Variants in ANKRD13D observed in about 807,000 individuals in gnomAD.
ANKRD13D encodes the protein ankyrin repeat domain-containing protein 13D.
In ANKRD13D, 24 loss-of-function variants were observed where a neutral mutation model predicts 68.8. The ratio of observed to expected loss-of-function variants is 0.35; its 90% CI spans 0.25 to 0.49. The LOEUF (loss-of-function observed/expected upper bound fraction) is 0.49, where lower values mean the gene tolerates loss of function less well. Among genes scored for constraint, ANKRD13D ranks in the 20% least tolerant of loss-of-function variants. ANKRD13D has a pLI of 0.99. For synonymous variants in ANKRD13D, 331 were observed against 336.1 expected (o/e 0.98, Z 0.16); for missense variants, 735 against 832.1 (o/e 0.88, Z 1.44).
In ANKRD13D at chr11:67,299,923, G is replaced by A. The variant is rs770858747; in HGVS notation, c.942+35G>A. 7 of 1,562,234 alleles carry A rather than the reference G, an allele frequency of 4.5e-6. No individual in the cohort carries two copies. The highest frequency in any genetic ancestry group is 2.6e-6 in the Non-Finnish European group (3 of 1,151,630). On this transcript the variant is annotated intron_variant, in intron 9 of 14. Transcript: ENST00000511455. The surrounding 1 kb of genome is among the most constrained non-coding windows in gnomAD (Gnocchi z 6.2). ...GGCTGGGCCGAGACAGGGCTGGCGG[G>A]GGGCCGAGCCTGGGCGGGAGGGCAC...
At chr11:67,298,895 C>A (rs1860864106) in intron 6 of ANKRD13D, 163 bp from the exon 7 acceptor site, 3 of 692,730 alleles carry the variant, frequency 4.3e-6, no homozygotes, top group East Asian at 5.1e-5. Flanking sequence ...GTGTCCCCCC[C>A]TGTCCAGGCA....
Position 67,300,259 on chromosome 11 carries a change from A to G in ANKRD13D, c.1073+136A>G. The G allele has an allele frequency of 7.8e-7, 1 of 1,282,046 alleles. No individual in the cohort carries two copies. Among genetic ancestry groups the G allele is most frequent in the Non-Finnish European group, 1.1e-6 (1 of 933,856 alleles). 79.4% of individuals were successfully genotyped at this position (1,282,046 alleles called of 1,614,324 possible). A position where few individuals can be genotyped will look rare whatever the true frequency, so the allele number is the denominator to read the frequency against. On this transcript the variant is annotated intron_variant, in intron 10 of 14. Coordinates refer to ENST00000511455, the MANE Select transcript of ANKRD13D (RefSeq NM_207354.3). The surrounding 1 kb of genome is among the most constrained non-coding windows in gnomAD (Gnocchi z 4.3). ...ACTCCACTCCTGGAGGGCAGGAGTC[A>G]TGTCTGCCTTATCCATGGTCCTCAG...
chr11:67,293,099 C>CT (rs1014144364), intron 6 of ANKRD13D, among the ~76,000 whole-genome samples: 80 of 152,250 alleles, frequency 5.3e-4, no homozygotes, highest in African/African-American at 1.7e-3. Flanking sequence ...TAATGCCACT[C>CT]TAAGTATTCA....
Position 67,289,358 on chromosome 11 carries a change from G to A in ANKRD13D, c.-103G>A, listed in dbSNP as rs1428285354. ...GCCGCCGCCGCCGCTACTGCTGCGG[G>A]GGCCGCGGGGGGCGCAGCTGGGGCG... On this transcript the variant is annotated 5_prime_UTR_variant, in exon 1 of 15. Coordinates refer to ENST00000511455, the MANE Select transcript of ANKRD13D (RefSeq NM_207354.3). 4 of 816,300 alleles carry A rather than the reference G, an allele frequency of 4.9e-6. No individual in the cohort carries two copies. Among genetic ancestry groups the A allele is most frequent in the Non-Finnish European group, 6.2e-6 (4 of 647,528 alleles). 50.6% of individuals were successfully genotyped at this position (816,300 alleles called of 1,614,324 possible). A position where few individuals can be genotyped will look rare whatever the true frequency, so the allele number is the denominator to read the frequency against.
Position 67,299,712 on chromosome 11 carries a change from C to A in ANKRD13D, c.880+101C>A. 6.6e-7 allele frequency: 1 copy of A among 1,521,108 alleles called. No individual in the cohort carries two copies. The highest frequency in any genetic ancestry group is 8.9e-7 in the Non-Finnish European group (1 of 1,124,912). The allele number at this position is 1,521,108 out of a possible 1,614,324, so 94.2% of individuals were successfully genotyped here. On this transcript the variant is annotated intron_variant, in intron 8 of 14. Transcript: ENST00000511455. This position sits in a 1 kb window ranked among gnomAD's most constrained non-coding sequence, Gnocchi z 6.2. The stretch of plus-strand genomic sequence containing the variant: ...GAGTTTCCCAGGATGAGCTGGGAGG[C>A]CTCCCCATTCCCGTCTGACCCCTCT...
At chr11:67,292,223 T>C (rs947890385) in intron 6 of ANKRD13D, 43 bp downstream of exon 6, 2 of 1,537,458 alleles carry the variant, frequency 1.3e-6, no homozygotes, top group Non-Finnish European at 1.8e-6. Context: ...TGGGGACGGA[T>C]AGCAAGAGCC....
chr11:67,293,499 A>G lies in ANKRD13D; in HGVS notation c.731+1319A>G, dbSNP rs531628505. Among the ~76,000 whole-genome samples the G allele has an allele frequency of 3.3e-5, 5 of 152,158 alleles. No homozygotes were observed. In the South Asian group the frequency reaches 1.0e-3, roughly 32 times the overall value. On this transcript the variant is annotated intron_variant, in intron 6 of 14. Transcript: ENST00000511455. ...AGATCCTTTACTCATTTTTTATTTA[A>G]CTTAATTAACTTATTTATTTTGAGA... is the stretch of plus-strand genomic sequence containing the variant.
In ANKRD13D at chr11:67,299,518, C is replaced by T. The variant is rs1224707039; in HGVS notation, c.799-12C>T. The stretch of plus-strand genomic sequence containing the variant: ...TCTGAGCCCCCAGCTCCCCGTGTCC[C>T]CTGCTCCCCAGGTGTACAGTGCCAC... On this transcript the variant is annotated splice_polypyrimidine_tract_variant and intron_variant, in intron 7 of 14. Coordinates refer to ENST00000511455, the MANE Select transcript of ANKRD13D (RefSeq NM_207354.3). This position sits in a 1 kb window ranked among gnomAD's most constrained non-coding sequence, Gnocchi z 6.2. 1.9e-6 allele frequency: 3 copies of T among 1,549,938 alleles called. No individual in the cohort carries two copies. The highest frequency in any genetic ancestry group is 1.7e-4 in the Middle Eastern group (1 of 5,998).
chr11:67,291,490 C>T lies in ANKRD13D; in HGVS notation c.366C>T (p.Tyr122=), dbSNP rs760844819. Residue 122 remains tyrosine, a synonymous_variant, in exon 4 of 15, where the codon TAC becomes TAT. Transcript: ENST00000511455. ...GTTTCTCTTAGGCCCCCGATTTCTA[C>T]GTTGAGATGAAGTGGGAGTTCACCA... ...LNKLRQAPDF[Y]VEMKWEFTSW... 8.7e-6 allele frequency: 14 copies of T among 1,613,640 alleles called. No individual in the cohort carries two copies. The highest frequency in any genetic ancestry group is 5.3e-5 in the African/African-American group (4 of 74,834).
At chr11:67,291,272 A>T in intron 3 of ANKRD13D, 1 of 575,100 alleles carries the variant, frequency 1.7e-6, no homozygotes, top group Middle Eastern at 4.7e-4. Flanking sequence ...TGGAAGAATC[A>T]CCTGAGCCCA....
rs371782833 is a variant in ANKRD13D at position 67,301,453 on chromosome 11, G to A, written c.1349-35G>A. On this transcript the variant is annotated intron_variant, in intron 12 of 14. Transcript: ENST00000511455. This position sits in a 1 kb window ranked among gnomAD's most constrained non-coding sequence, Gnocchi z 4.5. The stretch of plus-strand genomic sequence containing the variant: ...CACAGCTTTCTGGTCACCAAGCCCC[G>A]CGGGTTGAGCGTGGCCCCTCTGCCA... 9.9e-6 allele frequency: 16 copies of A among 1,608,040 alleles called. No homozygotes were observed. Among genetic ancestry groups the A allele is most frequent in the South Asian group, 3.3e-5 (3 of 90,658 alleles).
chr11:67,291,124 A>G (rs1349842157), intron 3 of ANKRD13D: 1 of 281,518 alleles, frequency 3.6e-6, no homozygotes. Flanking sequence ...TTCTGAGGCC[A>G]AAGTGGGCGG....
At chr11:67,293,227 C>T (rs367905510) in intron 6 of ANKRD13D, among the ~76,000 whole-genome samples, 55 of 152,292 alleles carry the variant, frequency 3.6e-4, no homozygotes, top group African/African-American at 1.2e-3. Flanking sequence ...GTTTAATTGA[C>T]TGTTTACCAA....
chr11:67,299,775 G>T lies in ANKRD13D; in HGVS notation c.881-52G>T. 6.5e-7 allele frequency: 1 copy of T among 1,533,990 alleles called. No homozygotes were observed. Among genetic ancestry groups the T allele is most frequent in the South Asian group, 1.3e-5 (1 of 78,882 alleles). On this transcript the variant is annotated intron_variant, in intron 8 of 14. Coordinates refer to ENST00000511455, the MANE Select transcript of ANKRD13D (RefSeq NM_207354.3). The surrounding 1 kb of genome is among the most constrained non-coding windows in gnomAD (Gnocchi z 6.2). ...TAGGCTCCAGGGGTGGAGGTGGGCA[G>T]GGGCGATGCGAGCATTGTGACCCCT...
At chr11:67,298,933 T>C (rs1452970541) in intron 6 of ANKRD13D, 125 bp from the exon 7 acceptor site, 3 of 956,216 alleles carry the variant, frequency 3.1e-6, no homozygotes, top group African/African-American at 1.6e-5. Context: ...CCATGTTTCA[T>C]AGCGAGAAGG....
At chr11:67,298,929 T>C in intron 6 of ANKRD13D, 129 bp from the exon 7 acceptor site, 1 of 928,872 alleles carries the variant, frequency 1.1e-6, no homozygotes, top group Non-Finnish European at 1.8e-6. Flanking sequence ...TCCTCCATGT[T>C]TCATAGCGAG....
intron 5 of ANKRD13D, 39 bp downstream of exon 5, chr11:67,291,785 TG>T: frequency 6.2e-7 from 1 of 1,606,286 alleles, no homozygotes; most frequent in Non-Finnish European, 8.5e-7. Flanking sequence ...CCTCGGCCCT[TG>T]GGTTTCCTGC....
In ANKRD13D at chr11:67,300,927, G is replaced by T. The variant is rs1590875085; in HGVS notation, c.1074-63G>T. The T allele has an allele frequency of 6.3e-7, 1 of 1,591,774 alleles. No individual in the cohort carries two copies. The highest frequency in any genetic ancestry group is 2.2e-5 in the East Asian group (1 of 44,516). On this transcript the variant is annotated intron_variant, in intron 10 of 14. Coordinates refer to ENST00000511455, the MANE Select transcript of ANKRD13D (RefSeq NM_207354.3). The surrounding 1 kb of genome is among the most constrained non-coding windows in gnomAD (Gnocchi z 4.3). ...AAAGGCAGCTGCCCACGAACCAGAGGGCAGTCCTCAATGGAAGGGCCACCA... is the reference window on the plus strand; with the variant it reads ...AAAGGCAGCTGCCCACGAACCAGAGTGCAGTCCTCAATGGAAGGGCCACCA...
Position 67,301,537 on chromosome 11 carries a change from CG to C in ANKRD13D, c.1401del (p.Tyr468ThrfsTer38). 1 of 1,613,084 alleles carries C rather than the reference CG, an allele frequency of 6.2e-7. No individual in the cohort carries two copies. The highest frequency in any genetic ancestry group is 8.5e-7 in the Non-Finnish European group (1 of 1,179,992). ...VDPTVFEVPN[G>X]YSVLGMERNE... ...ACCCCACCGTGTTTGAAGTGCCCAACGGGTACAGCGTGCTGGGCATGGAGCG... is the reference window on the plus strand; with the variant it reads ...ACCCCACCGTGTTTGAAGTGCCCAACGGTACAGCGTGCTGGGCATGGAGCG... On this transcript the variant is annotated frameshift_variant, in exon 13 of 15. Coordinates refer to ENST00000511455, the MANE Select transcript of ANKRD13D (RefSeq NM_207354.3). LOFTEE classifies it high-confidence loss of function. This position sits in a 1 kb window ranked among gnomAD's most constrained non-coding sequence, Gnocchi z 4.5.
Sources: gnomAD v4.1 joint callset for allele counts (sites outside exome capture counted in the v4.1 genomes callset) on GRCh38, gnomAD v4.1.1 for gene constraint, Gnocchi (gnomAD v3.1) non-coding constraint, MANE v1.5 for transcripts, NCBI Gene and HGNC (gene_info 2026-07-23, HGNC 2026-07-21) for gene names.